The following LMNTD1 variants were observed in gnomAD, a reference collection of about 807,000 sequenced individuals.
LMNTD1 encodes lamin tail domain-containing protein 1.
A neutral mutation model predicts 50.9 loss-of-function variants in LMNTD1; 35 were observed. That is an observed-to-expected ratio of 0.69 (90% CI 0.53 to 0.91). The LOEUF (loss-of-function observed/expected upper bound fraction) is 0.91. LMNTD1 is among the 40% of genes least tolerant of loss of function. The pLI, the probability that LMNTD1 is intolerant of heterozygous loss-of-function variation, is 0.00. For synonymous variants in LMNTD1, 153 were observed against 161.9 expected (o/e 0.94, Z 0.42); for missense variants, 470 against 475.5 (o/e 0.99, Z 0.11).
chr12:25,620,300 A>C (rs1158289127), intron 1 of LMNTD1, among the ~76,000 whole-genome samples: 1 of 152,196 alleles, frequency 6.6e-6, no homozygotes, highest in East Asian at 1.9e-4. Flanking sequence ...ACAGTTTTCT[A>C]ATTCCATTTA....
chr12:25,583,526 C>T (rs977542787), intron 1 of LMNTD1, among the ~76,000 whole-genome samples: 4 of 152,184 alleles, frequency 2.6e-5, no homozygotes, highest in Admixed American at 2.6e-4. Flanking sequence ...AATCCCCTTG[C>T]TCCTATTTGA....
chr12:25,557,302 A>G (rs893995726), upstream of LMNTD1: 23 of 152,186 alleles, frequency 1.5e-4, no homozygotes, highest in African/African-American at 5.6e-4. Context: ...GAGGACATGT[A>G]TTGGAAGTTT....
chr12:25,537,013 T>C (rs910687873), intron 4 of LMNTD1, among the ~76,000 whole-genome samples: 3 of 152,228 alleles, frequency 2.0e-5, no homozygotes, highest in African/African-American at 7.2e-5. Flanking sequence ...TACTGCGCTT[T>C]TCTGACGGGC....
chr12:25,537,462 C>T (rs1246006624), intron 4 of LMNTD1, among the ~76,000 whole-genome samples: 2 of 152,178 alleles, frequency 1.3e-5, no homozygotes, highest in African/African-American at 4.8e-5. Flanking sequence ...AGCAGGGGCA[C>T]ACTGACACCT....
At chr12:25,555,841 G>C (rs1190520140), upstream of LMNTD1, among the ~76,000 whole-genome samples, 1 of 151,996 alleles carries the variant, frequency 6.6e-6, no homozygotes. Flanking sequence ...TAAAATAGAA[G>C]CCTCAGTTTG....
At chr12:25,497,882 CA>C (rs948610537) in intron 9 of LMNTD1, 1 of 151,772 alleles carries the variant, frequency 6.6e-6, no homozygotes, top group Admixed American at 6.6e-5. Context: ...TGTAATAAAC[CA>C]ACAAAACTCA....
intron 8 of LMNTD1, among the ~76,000 whole-genome samples, chr12:25,512,852 AT>A (rs61223932): frequency 0.23 from 31,743 of 137,890 alleles, 3,704 homozygotes; most frequent in East Asian, 0.35. Context: ...TCTACTCACA[AT>A]TTTTTTTTTA....
At chr12:25,619,250 C>CTATATATATATATA (rs1185194793) in intron 1 of LMNTD1, among the ~76,000 whole-genome samples, 8 of 79,416 alleles carry the variant, frequency 1.0e-4, no homozygotes, top group South Asian at 4.4e-4. Flanking sequence ...CTCTCTCTCT[C>CTATATATATATATA]TCTATATATA....
intron 1 of LMNTD1, chr12:25,648,344 A>G (rs1947117384): frequency 1.5e-6 from 1 of 651,520 alleles, no homozygotes; most frequent in Middle Eastern, 2.5e-4. Context: ...TTACTTTAGA[A>G]ATTTCACGTT....
At chr12:25,552,813 C>T in intron 2 of LMNTD1, 58 bp downstream of exon 2, 1 of 1,017,982 alleles carries the variant, frequency 9.8e-7, no homozygotes, top group Non-Finnish European at 1.5e-6. Context: ...AGCATGCCAT[C>T]ATTCCTCCTC....
At chr12:25,580,225 T>C (rs1945223521) in intron 1 of LMNTD1, among the ~76,000 whole-genome samples, 1 of 152,178 alleles carries the variant, frequency 6.6e-6, no homozygotes, top group Admixed American at 6.5e-5. Context: ...TTGTAGTTTT[T>C]CATGACCCCC....
chr12:25,612,060 C>T (rs1946256455), intron 1 of LMNTD1, among the ~76,000 whole-genome samples: 1 of 152,150 alleles, frequency 6.6e-6, no homozygotes, highest in Non-Finnish European at 1.5e-5. Context: ...TAGCCTTTAA[C>T]ATAATTGTAC....
chr12:25,530,352 T>C (rs937386220), intron 4 of LMNTD1, among the ~76,000 whole-genome samples: 8 of 152,200 alleles, frequency 5.3e-5, no homozygotes, highest in Non-Finnish European at 1.0e-4. Context: ...TTCTTTATAG[T>C]TTCTGCTTTT....
chr12:25,527,046 T>C (rs1284247833), intron 4 of LMNTD1, 91 bp from the exon 5 acceptor site: 2 of 888,146 alleles, frequency 2.3e-6, no homozygotes, highest in Non-Finnish European at 1.7e-6. Flanking sequence ...TGCTTGAAAG[T>C]TGTTCTTAAA....
chr12:25,505,538 A>G (rs562378073), intron 8 of LMNTD1, among the ~76,000 whole-genome samples: 3 of 152,290 alleles, frequency 2.0e-5, no homozygotes, highest in East Asian at 3.9e-4. Context: ...CTGCAGAAAT[A>G]TGGTGACTTT....
chr12:25,526,094 C>T lies in LMNTD1; in HGVS notation c.798+5G>A. On this transcript the variant is annotated splice_donor_5th_base_variant and intron_variant, in intron 6 of 9. Transcript: ENST00000458174. ...AAAAACGATTGTTAAGAACCAGAAA[C>T]TAACTTGACCGTTCGGTTTGCACAG... 1 of 1,549,822 alleles carries T rather than the reference C, an allele frequency of 6.5e-7. No individual in the cohort carries two copies. Among genetic ancestry groups the T allele is most frequent in the Non-Finnish European group, 8.7e-7 (1 of 1,153,060 alleles).
chr12:25,519,141 T>C (rs1173942883), intron 7 of LMNTD1, among the ~76,000 whole-genome samples, 174 bp from the exon 8 acceptor site: 1 of 152,154 alleles, frequency 6.6e-6, no homozygotes, highest in Non-Finnish European at 1.5e-5. Flanking sequence ...AAATGAATAA[T>C]ATATTCTGCA....
At chr12:25,609,848 A>G (rs1468900030) in intron 1 of LMNTD1, among the ~76,000 whole-genome samples, 2 of 152,328 alleles carry the variant, frequency 1.3e-5, no homozygotes, top group East Asian at 3.9e-4. Flanking sequence ...CTCAAACACC[A>G]TGCTGGGAGA....
chr12:25,595,282 A>G (rs979772382), intron 1 of LMNTD1, among the ~76,000 whole-genome samples: 2 of 152,168 alleles, frequency 1.3e-5, no homozygotes, highest in Non-Finnish European at 1.5e-5. Flanking sequence ...TATACATTCT[A>G]TTCAACAGCA....
Sources: allele counts gnomAD v4.1 joint callset (sites outside exome capture counted in the v4.1 genomes callset), GRCh38; gene constraint gnomAD v4.1.1; transcripts MANE v1.5; gene names NCBI Gene and HGNC (gene_info 2026-07-23, HGNC 2026-07-21).